GRM7: variants seen among roughly 807,000 people sequenced by gnomAD.
GRM7 encodes glutamate metabotropic receptor 7.
A neutral mutation model predicts 84.5 loss-of-function variants in GRM7; 35 were observed. The ratio of observed to expected loss-of-function variants is 0.41; its 90% CI spans 0.32 to 0.55. The LOEUF is 0.55. GRM7 is among the 20% of genes least tolerant of loss of function. GRM7 has a pLI of 0.19. For missense variants in GRM7, 1,003 were observed against 1,194.6 expected (o/e 0.84, Z 2.36); for synonymous variants, 487 against 455.1 (o/e 1.07, Z -0.89).
intron 7 of GRM7, among the ~76,000 whole-genome samples, chr3:7,534,480 G>A (rs1426606128): frequency 2.0e-5 from 3 of 152,140 alleles, no homozygotes; most frequent in South Asian, 2.1e-4. Context: ...GCATGTCTGG[G>A]TAATTCCATA....
intron 9 of GRM7, among the ~76,000 whole-genome samples, chr3:7,728,844 G>A (rs1008689011): frequency 3.7e-4 from 56 of 152,208 alleles, no homozygotes; most frequent in African/African-American, 1.3e-3. Context: ...GAAAGCAGCG[G>A]CATCTCTATT....
At chr3:7,642,023 T>G (rs886805377) in intron 8 of GRM7, among the ~76,000 whole-genome samples, 1 of 152,124 alleles carries the variant, frequency 6.6e-6, no homozygotes, top group African/African-American at 2.4e-5. Flanking sequence ...TCCTACTGCA[T>G]AGCTTTTCTG....
At chr3:7,180,583 G>A (rs1482251639) in intron 2 of GRM7, among the ~76,000 whole-genome samples, 5 of 152,150 alleles carry the variant, frequency 3.3e-5, no homozygotes, top group African/African-American at 1.2e-4. Context: ...AATCTAGTGT[G>A]TTTTGACCTC....
At chr3:7,312,936 CTTTT>C (rs372557190) in intron 4 of GRM7, among the ~76,000 whole-genome samples, 2,257 of 127,248 alleles carry the variant, frequency 0.018, 22 homozygotes, top group Non-Finnish European at 0.022. Context: ...TTCTTTTTTT[CTTTT>C]TTTTTTTTTT....
At chr3:7,691,577 T>G (rs567532748) in intron 9 of GRM7, among the ~76,000 whole-genome samples, 1 of 152,338 alleles carries the variant, frequency 6.6e-6, no homozygotes, top group Admixed American at 6.5e-5. Context: ...ATGAAAGCCC[T>G]GTTTTGAAGG....
At position 7,646,123 on chromosome 3, in the gene GRM7, G is replaced by A. The variant is rs140336912; in HGVS notation, c.2452-33926G>A. ...CCATGCAGGGCCCATGCACCATGGC[G>A]GTCACGCCGGTTTTTTCCCTTCTTC... is the stretch of plus-strand genomic sequence containing the variant. On this transcript the variant is annotated intron_variant, in intron 8 of 9. Coordinates refer to ENST00000357716, the MANE Select transcript of GRM7 (RefSeq NM_000844.4). Among the ~76,000 whole-genome samples, 68 of 152,304 alleles carry A rather than the reference G, an allele frequency of 4.5e-4. No individual in the cohort carries two copies. The South Asian group carries it at 9.1e-3, about 20-fold the overall frequency.
At chr3:7,251,904 T>C (rs1280853591) in intron 2 of GRM7, among the ~76,000 whole-genome samples, 1 of 152,216 alleles carries the variant, frequency 6.6e-6, no homozygotes, top group African/African-American at 2.4e-5. Flanking sequence ...TCCATTTTTG[T>C]TGCTGGAAAT....
At chr3:7,317,177 T>C (rs1483854476) in intron 4 of GRM7, among the ~76,000 whole-genome samples, 5 of 152,084 alleles carry the variant, frequency 3.3e-5, no homozygotes, top group Non-Finnish European at 7.4e-5. Flanking sequence ...GTCTGAGTGA[T>C]TGGAAAAAGT....
At chr3:7,454,088 ACACTCTCTCTCTCT>A (rs1249728595) in intron 6 of GRM7, among the ~76,000 whole-genome samples, 1 of 111,682 alleles carries the variant, frequency 9.0e-6, no homozygotes, top group African/African-American at 3.9e-5. Flanking sequence ...AGCTACACAC[ACACTCTCTCTCTCT>A]CTCTCTCTCT....
At chr3:7,201,933 G>T (rs1372201195) in intron 2 of GRM7, among the ~76,000 whole-genome samples, 2 of 152,156 alleles carry the variant, frequency 1.3e-5, no homozygotes, top group Non-Finnish European at 2.9e-5. Flanking sequence ...TTAATGTATT[G>T]CCTTGACAGG....
At chr3:6,968,630 CATT>C (rs1319087156) in intron 1 of GRM7, among the ~76,000 whole-genome samples, 3 of 152,122 alleles carry the variant, frequency 2.0e-5, no homozygotes, top group Non-Finnish European at 2.9e-5. Flanking sequence ...ATTTTGTTCT[CATT>C]ATCATTATTT....
chr3:6,995,294 T>G (rs1694791132), intron 1 of GRM7, among the ~76,000 whole-genome samples: 1 of 152,348 alleles, frequency 6.6e-6, no homozygotes. Flanking sequence ...TACTCAAGTT[T>G]GTCATTTTAG....
At chr3:7,204,597 T>A (rs1030854698) in intron 2 of GRM7, among the ~76,000 whole-genome samples, 1 of 152,140 alleles carries the variant, frequency 6.6e-6, no homozygotes, top group Non-Finnish European at 1.5e-5. Context: ...CATACATACA[T>A]GGAAACATAG....
intron 2 of GRM7, among the ~76,000 whole-genome samples, chr3:7,275,914 A>G (rs1449866340): frequency 1.3e-5 from 2 of 151,954 alleles, no homozygotes. Flanking sequence ...CCCTCCAGCA[A>G]TTCAGTAATT....
chr3:6,995,013 G>C (rs189816381), intron 1 of GRM7, among the ~76,000 whole-genome samples: 11 of 152,272 alleles, frequency 7.2e-5, no homozygotes, highest in Admixed American at 7.2e-4. Flanking sequence ...CTAATAAAAA[G>C]TAAGTAGAAG....
chr3:7,347,444 G>C (rs1333816731), intron 4 of GRM7, among the ~76,000 whole-genome samples: 2 of 152,120 alleles, frequency 1.3e-5, no homozygotes, highest in African/African-American at 4.8e-5. Context: ...ATTTTCATGA[G>C]AGTGAGCCAG....
At chr3:7,136,885 A>G (rs1693790643) in intron 1 of GRM7, among the ~76,000 whole-genome samples, 1 of 152,116 alleles carries the variant, frequency 6.6e-6, no homozygotes, top group South Asian at 2.1e-4. Context: ...AATGATACAG[A>G]TAATTGTTTA....
At chr3:6,909,758 T>C (rs899913277) in intron 1 of GRM7, among the ~76,000 whole-genome samples, 3 of 152,124 alleles carry the variant, frequency 2.0e-5, no homozygotes, top group Admixed American at 6.6e-5. Context: ...TTCTGCACAA[T>C]ATAAATCACG....
At chr3:6,997,939 G>A (rs1575113186) in intron 1 of GRM7, among the ~76,000 whole-genome samples, 2 of 151,676 alleles carry the variant, frequency 1.3e-5, no homozygotes, top group African/African-American at 2.4e-5. Context: ...GGCCAATATG[G>A]TGAAACCCCA....
Sources: allele counts gnomAD v4.1 joint callset (sites outside exome capture counted in the v4.1 genomes callset), GRCh38; gene constraint gnomAD v4.1.1; transcripts MANE v1.5; gene names NCBI Gene and HGNC (gene_info 2026-07-23, HGNC 2026-07-21).